OPA1: variants seen among roughly 807,000 people sequenced by gnomAD.
OPA1 encodes the protein OPA1 mitochondrial dynamin like GTPase.
A neutral mutation model predicts 152.9 loss-of-function variants in OPA1; 59 were observed. That is an observed-to-expected ratio of 0.39 (90% CI 0.31 to 0.48). The LOEUF (loss-of-function observed/expected upper bound fraction) is 0.48. OPA1 is among the 20% of genes least tolerant of loss of function. OPA1 has a pLI of 0.96. For synonymous variants in OPA1, 400 were observed against 389.9 expected (o/e 1.03, Z -0.31); for missense variants, 1,008 against 1,216.8 (o/e 0.83, Z 2.55).
intron 1 of OPA1, chr3:193,614,051 G>GGAA: frequency 2.0e-6 from 1 of 503,556 alleles, no homozygotes; most frequent in South Asian, 1.5e-5. Context: ...ATTCTCTTCA[G>GGAA]GAAGAAGAAG....
intron 29 of OPA1, among the ~76,000 whole-genome samples, chr3:193,690,836 C>G (rs888274122): frequency 1.3e-5 from 2 of 152,278 alleles, no homozygotes; most frequent in African/African-American, 4.8e-5. Context: ...AACCAGCCAA[C>G]CCACCTTAAT....
At chr3:193,600,089 G>A (rs1479587145) in intron 1 of OPA1, among the ~76,000 whole-genome samples, 1 of 152,170 alleles carries the variant, frequency 6.6e-6, no homozygotes, top group African/African-American at 2.4e-5. Context: ...TTTGAGCTAG[G>A]TTACAGTTCG....
chr3:193,620,847 C>T (rs1226884176), intron 6 of OPA1, among the ~76,000 whole-genome samples: 1 of 152,194 alleles, frequency 6.6e-6, no homozygotes, highest in East Asian at 1.9e-4. Flanking sequence ...ATGAGTCACT[C>T]AGCTAAACTG....
chr3:193,600,252 T>TA (rs1240137130), intron 1 of OPA1, among the ~76,000 whole-genome samples: 1 of 152,192 alleles, frequency 6.6e-6, no homozygotes, highest in Admixed American at 6.5e-5. Flanking sequence ...CATAAAGACT[T>TA]ATTTGGTCTC....
intron 1 of OPA1, among the ~76,000 whole-genome samples, chr3:193,601,785 T>C (rs1157001236): frequency 6.6e-6 from 1 of 152,142 alleles, no homozygotes; most frequent in Non-Finnish European, 1.5e-5. Flanking sequence ...AAGAGTGTTG[T>C]TTTTAGTGAG....
intron 25 of OPA1, among the ~76,000 whole-genome samples, chr3:193,660,034 GCTA>G (rs1304735780): frequency 6.6e-6 from 1 of 152,112 alleles, no homozygotes; most frequent in Non-Finnish European, 1.5e-5. Flanking sequence ...TGTTATCCCA[GCTA>G]CTAGTGAGGC....
chr3:193,660,899 TA>T (rs1715123154), intron 25 of OPA1, among the ~76,000 whole-genome samples: 1 of 152,182 alleles, frequency 6.6e-6, no homozygotes, highest in South Asian at 2.1e-4. Flanking sequence ...CTGACTTTGA[TA>T]GAGGAAGATG....
In OPA1 at chr3:193,603,182, T is replaced by C. The variant is rs113011757; in HGVS notation, c.32+9773T>C. ...ATGAGCTGTGGAGAGCTTTCAATAA[T>C]GGAAGCTTCAAAGATTCAGGAAGGA... On this transcript the variant is annotated intron_variant, in intron 1 of 30. Coordinates refer to ENST00000361510, the MANE Select transcript of OPA1 (RefSeq NM_130837.3). 2.6e-5 allele frequency among the ~76,000 whole-genome samples: 4 copies of C among 152,350 alleles called. 1 individual carries two copies. The highest frequency in any genetic ancestry group is 9.6e-5 in the African/African-American group (4 of 41,582).
chr3:193,650,787 G>A (rs999322372), intron 21 of OPA1, among the ~76,000 whole-genome samples: 1 of 152,082 alleles, frequency 6.6e-6, no homozygotes, highest in Non-Finnish European at 1.5e-5. Context: ...GTGAATCACT[G>A]ACATTCAGAA....
At chr3:193,618,131 G>C (rs1729358453) in intron 5 of OPA1, among the ~76,000 whole-genome samples, 1 of 152,104 alleles carries the variant, frequency 6.6e-6, no homozygotes. Flanking sequence ...TTTGATAATT[G>C]AAATGAAAAG....
At chr3:193,622,472 C>T (rs546663886) in intron 6 of OPA1, among the ~76,000 whole-genome samples, 2 of 152,098 alleles carry the variant, frequency 1.3e-5, no homozygotes, top group Non-Finnish European at 2.9e-5. Context: ...CATGGTCCGT[C>T]CACCTCTGCC....
At position 193,598,343 on chromosome 3, in the gene OPA1, AG is replaced by A. The variant is rs574545789; in HGVS notation, c.32+4935del. Among the ~76,000 whole-genome samples, 190 of 152,278 alleles carry A rather than the reference AG, an allele frequency of 1.2e-3. 2 individuals are homozygous for A. The highest frequency in any genetic ancestry group is 4.4e-3 in the African/African-American group (181 of 41,528). ...AAGTAGAGGGCAAGGTCATCTACTG[AG>A]AGTTGGGGAGGTCAAGAGAGATAAG... On this transcript the variant is annotated intron_variant, in intron 1 of 30. Transcript: ENST00000361510.
chr3:193,632,890 A>C (rs140663545), intron 8 of OPA1, among the ~76,000 whole-genome samples: 100 of 152,278 alleles, frequency 6.6e-4, no homozygotes, highest in Non-Finnish European at 1.3e-3. Flanking sequence ...AAAAAGAGTT[A>C]ATCTTGGATC....
Position 193,644,070 on chromosome 3 carries a change from G to A in OPA1, c.1573G>A (p.Asp525Asn). Residue 525 changes from aspartate (D) to asparagine (N), a missense_variant, in exon 16 of 31, where the codon GAC (aspartate) becomes AAC (asparagine). Asp to Asn is a conservative substitution (Grantham distance 23, BLOSUM62 1). Around this residue, in one of 7 missense-constraint regions of OPA1, gnomAD observed 213 missense variants for 291.4 expected, o/e 0.73. Transcript: ENST00000361510. ...AACCATATTCGTTTTGACCAAAGTA[G>A]ACCTGGCAGAGAAAAATGTAGCCAG... ...RRTIFVLTKV[D>N]LAEKNVASPS... The A allele has an allele frequency of 6.2e-7, 1 of 1,613,778 alleles. No homozygotes were observed. Among genetic ancestry groups the A allele is most frequent in the Non-Finnish European group, 8.5e-7 (1 of 1,179,814 alleles).
At chr3:193,648,956 G>A in intron 21 of OPA1, 85 bp downstream of exon 21, 2 of 985,178 alleles carry the variant, frequency 2.0e-6, no homozygotes, top group Non-Finnish European at 3.2e-6. Flanking sequence ...TGATAAAGCA[G>A]TGATTTATTG....
intron 29 of OPA1, among the ~76,000 whole-genome samples, chr3:193,688,726 A>G (rs1230126202): frequency 6.6e-6 from 1 of 152,072 alleles, no homozygotes; most frequent in East Asian, 1.9e-4. Flanking sequence ...ACGCCCTGTA[A>G]TTCCAGCAGT....
At chr3:193,658,546 T>C (rs1305153412) in intron 23 of OPA1, among the ~76,000 whole-genome samples, 1 of 152,226 alleles carries the variant, frequency 6.6e-6, no homozygotes, top group African/African-American at 2.4e-5. Context: ...ATCTGAATTA[T>C]TAAACCCTGA....
chr3:193,645,476 T>C (rs1684740637), intron 16 of OPA1, 77 bp from the exon 17 acceptor site: 4 of 1,099,442 alleles, frequency 3.6e-6, no homozygotes, highest in Non-Finnish European at 4.1e-6. Context: ...ATTATTTTGC[T>C]TTCTAAATTG....
intron 11 of OPA1, among the ~76,000 whole-genome samples, chr3:193,641,068 A>G (rs1377153300): frequency 6.6e-6 from 1 of 152,240 alleles, no homozygotes. Context: ...AGAAAAAAAC[A>G]AAATGAACCT....
Sources: gnomAD v4.1 joint callset for allele counts (sites outside exome capture counted in the v4.1 genomes callset) on GRCh38, gnomAD v4.1.1 for gene constraint, gnomAD v4.1.1 regional missense constraint, MANE v1.5 for transcripts, NCBI Gene and HGNC (gene_info 2026-07-23, HGNC 2026-07-21) for gene names.